The following SLC35F3 variants were observed in gnomAD, a reference collection of about 807,000 sequenced individuals.
SLC35F3 encodes putative thiamine transporter SLC35F3.
SLC35F3 carries 25 observed loss-of-function variants against 49.9 expected under a neutral mutation model. The ratio of observed to expected loss-of-function variants is 0.50; its 90% CI spans 0.37 to 0.70. The LOEUF is 0.70. Among genes scored for constraint, SLC35F3 ranks in the 30% least tolerant of loss-of-function variants. The probability of loss-of-function intolerance (pLI) is 0.00; values close to 1 mark genes in which losing one functional copy is unlikely to be tolerated. For missense variants in SLC35F3, 525 were observed against 639.8 expected (o/e 0.82, Z 1.94); for synonymous variants, 275 against 265.4 (o/e 1.04, Z -0.35).
intron 2 of SLC35F3, among the ~76,000 whole-genome samples, chr1:233,906,113 T>G (rs577507280): frequency 8.5e-5 from 13 of 152,310 alleles, no homozygotes; most frequent in Admixed American, 7.2e-4. Context: ...GATCTGAAAG[T>G]CTCACAGGGC....
At chr1:234,022,548 A>G (rs1429081630) in intron 2 of SLC35F3, among the ~76,000 whole-genome samples, 1 of 152,068 alleles carries the variant, frequency 6.6e-6, no homozygotes, top group Non-Finnish European at 1.5e-5. Context: ...TTCAACATCC[A>G]CAGATTTAAG....
At chr1:234,055,134 A>T (rs1664437007) in intron 2 of SLC35F3, among the ~76,000 whole-genome samples, 1 of 152,154 alleles carries the variant, frequency 6.6e-6, no homozygotes, top group South Asian at 2.1e-4. Context: ...TCAGATCTCA[A>T]ACTCCATGCT....
chr1:234,320,464 G>A lies in SLC35F3; in HGVS notation c.1237+277G>A, dbSNP rs1282045757. 6.6e-6 allele frequency among the ~76,000 whole-genome samples: 1 copy of A among 152,178 alleles called. No individual in the cohort carries two copies. The highest frequency in any genetic ancestry group is 1.5e-5 in the Non-Finnish European group (1 of 68,038). ...ATATGCAATATTTTCTCCATAATGG[G>A]CTGATTTTCACATACCACTTCAAGA... On this transcript the variant is annotated intron_variant, in intron 7 of 7. Transcript: ENST00000366618. The surrounding 1 kb of genome is among the most constrained non-coding windows in gnomAD (Gnocchi z 4.8).
intron 2 of SLC35F3, among the ~76,000 whole-genome samples, chr1:234,091,436 C>T (rs770139430): frequency 1.3e-5 from 2 of 152,212 alleles, no homozygotes; most frequent in African/African-American, 2.4e-5. Flanking sequence ...TGTGGGACCA[C>T]GACCTGAGGA....
intron 2 of SLC35F3, among the ~76,000 whole-genome samples, chr1:234,068,998 A>C (rs1226726121): frequency 1.6e-5 from 2 of 124,766 alleles, no homozygotes; most frequent in African/African-American, 3.2e-5. Flanking sequence ...ATAATATATA[A>C]AATTATATAA....
chr1:233,914,003 C>A (rs542917744), intron 2 of SLC35F3, among the ~76,000 whole-genome samples: 1 of 152,234 alleles, frequency 6.6e-6, no homozygotes, highest in African/African-American at 2.4e-5. Context: ...TAGGGAAGAA[C>A]GTGACATGTC....
chr1:234,231,669 T>C lies in SLC35F3; in HGVS notation c.536T>C (p.Leu179Ser). Residue 179 changes from leucine to serine, a missense_variant, in exon 3 of 8, where the codon TTA (leucine) becomes TCA (serine). Leu to Ser is a moderately radical substitution (Grantham distance 145, BLOSUM62 -2). Transcript: ENST00000366618. This position sits in a 1 kb window ranked among gnomAD's most constrained non-coding sequence, Gnocchi z 5.4. ...TGGTTTGCCACCAACTGGAACTTTT[T>C]ATTCTTCCCGTTGTACTACGTGGGG... ...LTWFATNWNFLFFPLYYVGHV... is the reference protein window; with the variant it reads ...LTWFATNWNFSFFPLYYVGHV... The C allele has an allele frequency of 6.2e-7, 1 of 1,614,188 alleles. No homozygotes were observed. Among genetic ancestry groups the C allele is most frequent in the Non-Finnish European group, 8.5e-7 (1 of 1,180,020 alleles).
chr1:233,930,167 AGG>A, intron 2 of SLC35F3, among the ~76,000 whole-genome samples: 1 of 151,032 alleles, frequency 6.6e-6, no homozygotes, highest in African/African-American at 2.4e-5. Context: ...AAAAAAAAAA[AGG>A]AAGAGAGAGA....
chr1:234,297,504 G>A (rs1431768980), intron 3 of SLC35F3, among the ~76,000 whole-genome samples: 1 of 152,160 alleles, frequency 6.6e-6, no homozygotes, highest in Non-Finnish European at 1.5e-5. Flanking sequence ...TGGACTTAGA[G>A]GACATTATGC....
rs113383965 is a variant in SLC35F3, at chr1:234,108,163, C to T, written c.284-123254C>T. ...CCAACCTTGTGCAACATAGCGATAC[C>T]CTGTTTCAAATGGAAGTGAGATATA... On this transcript the variant is annotated intron_variant, in intron 2 of 7. Transcript: ENST00000366618. Among the ~76,000 whole-genome samples the T allele has an allele frequency of 3.6e-3, 511 of 140,066 alleles. 4 individuals carry two copies. The highest frequency in any genetic ancestry group is 0.013 in the African/African-American group (484 of 37,750). The allele number at this position is 140,066 out of a possible 152,430, so 91.9% of individuals were successfully genotyped here.
At chr1:234,314,306 A>G (rs2102996414) in intron 4 of SLC35F3, among the ~76,000 whole-genome samples, 1 of 152,278 alleles carries the variant, frequency 6.6e-6, no homozygotes, top group African/African-American at 2.4e-5. Context: ...AGTGCAGCCC[A>G]GGCAGAAGCT....
intron 3 of SLC35F3, among the ~76,000 whole-genome samples, chr1:234,287,861 A>G (rs1437614260): frequency 1.3e-5 from 2 of 152,206 alleles, no homozygotes; most frequent in Non-Finnish European, 2.9e-5. Flanking sequence ...GGATTGAAAG[A>G]CTATTGCCTT....
At chr1:234,316,367 C>G (rs1657489612) in intron 4 of SLC35F3, among the ~76,000 whole-genome samples, 1 of 152,252 alleles carries the variant, frequency 6.6e-6, no homozygotes, top group Admixed American at 6.5e-5. Context: ...CTGCTGCCAG[C>G]AGTTTCAGTT....
chr1:234,043,617 A>G (rs1558213306), intron 2 of SLC35F3, among the ~76,000 whole-genome samples: 1 of 152,174 alleles, frequency 6.6e-6, no homozygotes. Flanking sequence ...AGAGTAAAGG[A>G]AAAAAATTAG....
intron 3 of SLC35F3, among the ~76,000 whole-genome samples, chr1:234,303,783 C>T (rs562761986): frequency 2.0e-5 from 3 of 152,032 alleles, no homozygotes; most frequent in African/African-American, 4.8e-5. Context: ...TCTCTTTATA[C>T]CTTTATTTTA....
rs910732110 is a variant in SLC35F3 at position 234,111,352 on chromosome 1, C to T, written c.284-120065C>T. On this transcript the variant is annotated intron_variant, in intron 2 of 7. Transcript: ENST00000366618. Reference sequence around the variant, plus strand: ...TTTTGCCCAGGCTGGAGTGTAATGGCGCAATCTCAGCTCACTGCAACCTCC... The same window carrying T: ...TTTTGCCCAGGCTGGAGTGTAATGGTGCAATCTCAGCTCACTGCAACCTCC... Among the ~76,000 whole-genome samples, 7 of 152,008 alleles carry T rather than the reference C, an allele frequency of 4.6e-5. No homozygotes were observed. In the East Asian group the frequency reaches 5.8e-4, roughly 13 times the overall value.
intron 2 of SLC35F3, among the ~76,000 whole-genome samples, chr1:234,003,949 A>T (rs1219606305): frequency 6.6e-6 from 1 of 152,198 alleles, no homozygotes; most frequent in Non-Finnish European, 1.5e-5. Flanking sequence ...CAGTGTGATA[A>T]TATGGACAGC....
chr1:234,318,167 A>T (rs1397300831), intron 5 of SLC35F3, among the ~76,000 whole-genome samples: 2 of 152,184 alleles, frequency 1.3e-5, no homozygotes. Flanking sequence ...GGCCACTCCC[A>T]TCACATTCAC....
rs74147517 is a variant in SLC35F3, at chr1:234,066,830, C to A, written c.283+161072C>A. On this transcript the variant is annotated intron_variant, in intron 2 of 7. Transcript: ENST00000366618. The stretch of plus-strand genomic sequence containing the variant: ...CTCTCTGTCTCTGTCCCTCTCTCTC[C>A]CACACACACACACACACACACACAC... Among the ~76,000 whole-genome samples, 554 of 135,220 alleles carry A rather than the reference C, an allele frequency of 4.1e-3. 4 individuals are homozygous for A. The highest frequency in any genetic ancestry group is 0.015 in the African/African-American group (530 of 35,108). 88.7% of individuals were successfully genotyped at this position (135,220 alleles called of 152,430 possible).
Sources: gnomAD v4.1 joint callset for allele counts (sites outside exome capture counted in the v4.1 genomes callset) on GRCh38, gnomAD v4.1.1 for gene constraint, Gnocchi (gnomAD v3.1) non-coding constraint, MANE v1.5 for transcripts, NCBI Gene and HGNC (gene_info 2026-07-23, HGNC 2026-07-21) for gene names.